Variants in FMNL3 observed in about 807,000 individuals in gnomAD.
FMNL3 encodes formin like 3.
In FMNL3, 57 loss-of-function variants were observed where a neutral mutation model predicts 119.6. The ratio of observed to expected loss-of-function variants is 0.48; its 90% CI spans 0.39 to 0.59. The LOEUF (loss-of-function observed/expected upper bound fraction) is 0.59, where lower values mean the gene tolerates loss of function less well. Among genes scored for constraint, FMNL3 ranks in the 20% least tolerant of loss-of-function variants. The probability of loss-of-function intolerance (pLI) is 0.00; values close to 1 mark genes in which losing one functional copy is unlikely to be tolerated. For synonymous variants in FMNL3, 491 were observed against 507.3 expected (o/e 0.97, Z 0.43); for missense variants, 1,053 against 1,323.5 (o/e 0.80, Z 3.17).
chr12:49,696,641 C>G (rs557297072), intron 1 of FMNL3, among the ~76,000 whole-genome samples: 8 of 152,346 alleles, frequency 5.3e-5, no homozygotes, highest in Admixed American at 2.0e-4. Flanking sequence ...AGCTGTACAT[C>G]CTATTATCTC....
chr12:49,652,275 G>A, intron 13 of FMNL3, 63 bp from the exon 14 acceptor site: 1 of 1,542,960 alleles, frequency 6.5e-7, no homozygotes, highest in Non-Finnish European at 8.8e-7. Flanking sequence ...TGCCCCAAGA[G>A]TGAGAATTCC....
intron 1 of FMNL3, chr12:49,688,622 T>G (rs1346344605): frequency 4.7e-6 from 2 of 424,442 alleles, no homozygotes; most frequent in African/African-American, 4.1e-5. Flanking sequence ...TTGTGGTAAG[T>G]GGGTCTGCAA....
Position 49,638,271 on chromosome 12 carries a change from T to G in FMNL3, c.*7544A>C, listed in dbSNP as rs1001648496. The G allele has an allele frequency of 6.5e-6, 1 of 153,996 alleles. No homozygotes were observed. Among genetic ancestry groups the G allele is most frequent in the Non-Finnish European group, 1.4e-5 (1 of 69,352 alleles). The allele number at this position is 153,996 out of a possible 1,614,324, so 9.5% of individuals were successfully genotyped here. On this transcript the variant is annotated 3_prime_UTR_variant, in exon 26 of 26. Transcript: ENST00000335154. ...GGCCTGTACAGTGTTCTGTAAAAATTTGGAATTTGTTGCTAACATTTTAAA... is the reference window on the plus strand; with the variant it reads ...GGCCTGTACAGTGTTCTGTAAAAATGTGGAATTTGTTGCTAACATTTTAAA...
At chr12:49,669,248 A>G (rs1943975386) in intron 1 of FMNL3, among the ~76,000 whole-genome samples, 1 of 152,252 alleles carries the variant, frequency 6.6e-6, no homozygotes, top group Non-Finnish European at 1.5e-5. Flanking sequence ...CAAATTTCTT[A>G]TGAAACACCT....
Position 49,642,643 on chromosome 12 carries a change from C to G in FMNL3, c.*3172G>C. The G allele has an allele frequency of 1.2e-6, 2 of 1,614,184 alleles. No homozygotes were observed. The highest frequency in any genetic ancestry group is 8.5e-7 in the Non-Finnish European group (1 of 1,180,034). On this transcript the variant is annotated 3_prime_UTR_variant, in exon 26 of 26. Coordinates refer to ENST00000335154, the MANE Select transcript of FMNL3 (RefSeq NM_175736.5). The surrounding 1 kb of genome is among the most constrained non-coding windows in gnomAD (Gnocchi z 5.8). ...GATCACCCTGGAGTCGGAGCGGATC[C>G]GGCTCTTCCGGGAGTTCCTACAGGT...
At chr12:49,652,435 C>G (rs1943434659) in intron 13 of FMNL3, among the ~76,000 whole-genome samples, 1 of 152,190 alleles carries the variant, frequency 6.6e-6, no homozygotes, top group Non-Finnish European at 1.5e-5. Context: ...CCTGAAGTGT[C>G]CTCTCTGCTC....
intron 1 of FMNL3, among the ~76,000 whole-genome samples, chr12:49,687,782 G>C (rs1286997204): frequency 1.3e-5 from 2 of 152,130 alleles, no homozygotes; most frequent in African/African-American, 4.8e-5. Flanking sequence ...CATCCTAGTG[G>C]GGCTACATGA....
At chr12:49,658,338 G>T in intron 6 of FMNL3, 104 bp downstream of exon 6, 1 of 1,444,330 alleles carries the variant, frequency 6.9e-7, no homozygotes. Flanking sequence ...AGCTGAGCCT[G>T]GAAGCAAGAG....
rs753395006 is a variant in FMNL3 at position 49,653,793 on chromosome 12, A to G, written c.1153T>C (p.Leu385=). Residue 385 remains leucine (L), a synonymous_variant, in exon 12 of 26, where the codon TTG becomes CTG. Coordinates refer to ENST00000335154, the MANE Select transcript of FMNL3 (RefSeq NM_175736.5). ...ACATTCTTGGTCTCAGCATCCTCCAACAAACCCCCGACATCAAACACGTTG... is the reference window on the plus strand; with the variant it reads ...ACATTCTTGGTCTCAGCATCCTCCAGCAAACCCCCGACATCAAACACGTTG... ...LDNVFDVGGL[L]EDAETKNVAL... is the part of the protein sequence containing the mutation. 1.2e-6 allele frequency: 2 copies of G among 1,614,146 alleles called. No individual in the cohort carries two copies. The highest frequency in any genetic ancestry group is 1.1e-5 in the South Asian group (1 of 91,072).
chr12:49,694,493 C>T (rs1470085701), intron 1 of FMNL3, among the ~76,000 whole-genome samples: 5 of 152,238 alleles, frequency 3.3e-5, no homozygotes, highest in East Asian at 3.9e-4. Context: ...TTAGAGAACA[C>T]GCACATTTTA....
At position 49,648,351 on chromosome 12, in the gene FMNL3, A is replaced by T; in HGVS notation, c.2518T>A (p.Ser840Thr). 6.2e-7 allele frequency: 1 copy of T among 1,610,278 alleles called. No homozygotes were observed. Among genetic ancestry groups the T allele is most frequent in the Non-Finnish European group, 8.5e-7 (1 of 1,177,512 alleles). ...LHFVEKAAAV[S>T]LENVLLDVKE... is the part of the protein sequence containing the mutation. Reference sequence around the variant, plus strand: ...ACGTCCAGCAGCACGTTCTCCAGGGACACTGGTCACCAAAAGCCTGGCTGA... The same window carrying T: ...ACGTCCAGCAGCACGTTCTCCAGGGTCACTGGTCACCAAAAGCCTGGCTGA... Residue 840 changes from serine (S) to threonine (T), a missense_variant and splice_region_variant, in exon 22 of 26, where the codon TCC becomes ACC. Physicochemically the swap from Ser to Thr is moderately conservative, Grantham distance 58. Around this residue, in one of 4 missense-constraint regions of FMNL3, gnomAD observed 324 missense variants for 380.9 expected, o/e 0.85. Coordinates refer to ENST00000335154, the MANE Select transcript of FMNL3 (RefSeq NM_175736.5).
At position 49,649,765 on chromosome 12, in the gene FMNL3, C is replaced by T; in HGVS notation, c.2161G>A (p.Glu721Lys). 1 of 1,614,192 alleles carries T rather than the reference C, an allele frequency of 6.2e-7. No homozygotes were observed. The highest frequency in any genetic ancestry group is 8.5e-7 in the Non-Finnish European group (1 of 1,180,028). ...DRFMLLFSKV[E>K]RLTQRMAGMA... ...CCAGCCATTCGCTGGGTCAACCGTT[C>T]CACCTTGCTGAAGAGCAGCATGAAG... The change falls in exon 18 of 26, where the codon GAA becomes AAA. Residue 721 changes from glutamate (E) to lysine (K), a missense_variant. Transcript: ENST00000335154. The surrounding 1 kb of genome is among the most constrained non-coding windows in gnomAD (Gnocchi z 5.6).
At position 49,637,476 on chromosome 12, in the gene FMNL3, C is replaced by T; in HGVS notation, c.*8339G>A. The T allele has an allele frequency of 6.2e-7, 1 of 1,613,142 alleles. No individual in the cohort carries two copies. Among genetic ancestry groups the T allele is most frequent in the Non-Finnish European group, 8.5e-7 (1 of 1,179,800 alleles). On this transcript the variant is annotated 3_prime_UTR_variant, in exon 26 of 26. Transcript: ENST00000335154. ...CTGGCCTCTCCCTGCTCAGACCTTC[C>T]TGGACGAGCTGCATGAGACAGGGCA... is the stretch of plus-strand genomic sequence containing the variant.
chr12:49,661,922 C>T (rs977171248), intron 5 of FMNL3, 44 bp downstream of exon 5: 11 of 1,548,088 alleles, frequency 7.1e-6, no homozygotes, highest in Admixed American at 5.0e-5. Context: ...GAACTATGTC[C>T]TCCCCCAACT....
chr12:49,658,667 G>A, intron 5 of FMNL3, 73 bp from the exon 6 acceptor site: 5 of 1,471,038 alleles, frequency 3.4e-6, no homozygotes, highest in Non-Finnish European at 4.5e-6. Flanking sequence ...AAGGCCCCCC[G>A]TGAGCCCACC....
rs779858010 is a variant in FMNL3, at chr12:49,643,676, T to A, written c.*2139A>T. 6.2e-7 allele frequency: 1 copy of A among 1,611,760 alleles called. No homozygotes were observed. The highest frequency in any genetic ancestry group is 1.3e-5 in the African/African-American group (1 of 74,584). Reference sequence around the variant, plus strand: ...TTCTCCTGTTGGGACTTAGTAGGGATTTTTCTATCTCTAGATCATGGCCTT... The same window carrying A: ...TTCTCCTGTTGGGACTTAGTAGGGAATTTTCTATCTCTAGATCATGGCCTT... On this transcript the variant is annotated 3_prime_UTR_variant, in exon 26 of 26. Coordinates refer to ENST00000335154, the MANE Select transcript of FMNL3 (RefSeq NM_175736.5).
intron 1 of FMNL3, among the ~76,000 whole-genome samples, chr12:49,685,317 C>T (rs1169854989): frequency 6.6e-6 from 1 of 152,112 alleles, no homozygotes; most frequent in Non-Finnish European, 1.5e-5. Flanking sequence ...ATATCCCTAG[C>T]TGGGCATGGT....
At chr12:49,685,206 C>T (rs952726658) in intron 1 of FMNL3, among the ~76,000 whole-genome samples, 9 of 152,150 alleles carry the variant, frequency 5.9e-5, no homozygotes, top group Non-Finnish European at 1.2e-4. Context: ...AGGTCCAGGC[C>T]GGAAGCAGTG....
At chr12:49,662,136 C>A in intron 4 of FMNL3, 87 bp from the exon 5 acceptor site, 1 of 1,228,748 alleles carries the variant, frequency 8.1e-7, no homozygotes, top group African/African-American at 1.5e-5. Context: ...CCAACACCTC[C>A]TCCTCCTGGA....
Sources: gnomAD v4.1 joint callset for allele counts (sites outside exome capture counted in the v4.1 genomes callset) on GRCh38, gnomAD v4.1.1 for gene constraint, gnomAD v4.1.1 regional missense constraint, Gnocchi (gnomAD v3.1) non-coding constraint, MANE v1.5 for transcripts, NCBI Gene and HGNC (gene_info 2026-07-23, HGNC 2026-07-21) for gene names.